The following SEMA5A variants were observed in gnomAD, a reference collection of about 807,000 sequenced individuals.
SEMA5A encodes semaphorin 5A.
A neutral mutation model predicts 135.5 loss-of-function variants in SEMA5A; 55 were observed. The observed-to-expected ratio is 0.41, with a 90% CI of 0.33 to 0.51. The LOEUF (loss-of-function observed/expected upper bound fraction) is 0.51, where lower values mean the gene tolerates loss of function less well. SEMA5A is among the 20% of genes least tolerant of loss of function. SEMA5A has a pLI of 0.37. For synonymous variants in SEMA5A, 580 were observed against 546.5 expected (o/e 1.06, Z -0.85); for missense variants, 1,290 against 1,419.9 (o/e 0.91, Z 1.47).
At chr5:9,086,307 T>C (rs190471003) in intron 16 of SEMA5A, among the ~76,000 whole-genome samples, 2 of 152,242 alleles carry the variant, frequency 1.3e-5, no homozygotes, top group African/African-American at 4.8e-5. Flanking sequence ...TCTGTGTCCC[T>C]ACCCAAATCT....
At chr5:9,201,715 A>T (rs966666853) in intron 9 of SEMA5A, among the ~76,000 whole-genome samples, 6 of 152,368 alleles carry the variant, frequency 3.9e-5, no homozygotes, top group Admixed American at 3.3e-4. Flanking sequence ...ATGTCACTAT[A>T]TCCTAAAGAT....
chr5:9,157,834 C>T (rs1339641001), intron 11 of SEMA5A, among the ~76,000 whole-genome samples: 1 of 152,254 alleles, frequency 6.6e-6, no homozygotes, highest in East Asian at 1.9e-4. Flanking sequence ...ATAGAAGAGA[C>T]ACCCCGAAAA....
chr5:9,179,384 G>A (rs916445941), intron 11 of SEMA5A, among the ~76,000 whole-genome samples: 2 of 152,146 alleles, frequency 1.3e-5, no homozygotes, highest in Non-Finnish European at 2.9e-5. Flanking sequence ...TCTCAGGTGG[G>A]TCCAAAGCAA....
intron 15 of SEMA5A, among the ~76,000 whole-genome samples, chr5:9,111,551 G>T (rs117548417): frequency 1.6e-4 from 25 of 152,172 alleles, no homozygotes; most frequent in Non-Finnish European, 3.1e-4. Context: ...CTACTGAGCT[G>T]CATTTTAAGG....
chr5:9,446,348 TTTA>T (rs1209508954), intron 1 of SEMA5A, among the ~76,000 whole-genome samples: 1 of 152,102 alleles, frequency 6.6e-6, no homozygotes, highest in Non-Finnish European at 1.5e-5. Flanking sequence ...AAATGACTTC[TTTA>T]TTAAAGCAAA....
intron 3 of SEMA5A, among the ~76,000 whole-genome samples, chr5:9,365,860 C>A (rs1055960910): frequency 2.6e-5 from 4 of 152,186 alleles, no homozygotes; most frequent in Admixed American, 6.5e-5. Flanking sequence ...GCCATCCTAA[C>A]ATGAAATAAA....
Position 9,197,381 on chromosome 5 carries a change from C to T in SEMA5A, c.933-78G>A, listed in dbSNP as rs1806116. The T allele has an allele frequency of 7.8e-3, 11,826 of 1,522,176 alleles. 693 individuals are homozygous for T. In the African/African-American group the frequency reaches 0.13, roughly 17 times the overall value. The allele number at this position is 1,522,176 out of a possible 1,614,324, so 94.3% of individuals were successfully genotyped here. A position where few individuals can be genotyped will look rare whatever the true frequency, so the allele number is the denominator to read the frequency against. Reference sequence around the variant, plus strand: ...TGACCTCCCCCTATGGACTGGGCAGCAGCTGTGACCTACAGCTTCCAGAGG... The same window carrying T: ...TGACCTCCCCCTATGGACTGGGCAGTAGCTGTGACCTACAGCTTCCAGAGG... On this transcript the variant is annotated intron_variant, in intron 9 of 22. Transcript: ENST00000382496.
intron 1 of SEMA5A, among the ~76,000 whole-genome samples, chr5:9,527,608 A>G: frequency 6.6e-6 from 1 of 152,234 alleles, no homozygotes; most frequent in East Asian, 1.9e-4. Flanking sequence ...AGCTTGTAAC[A>G]AGAATTTCTA....
intron 8 of SEMA5A, among the ~76,000 whole-genome samples, chr5:9,211,166 C>T (rs1424728092): frequency 6.6e-6 from 1 of 152,114 alleles, no homozygotes; most frequent in Non-Finnish European, 1.5e-5. Context: ...TTCACCCTAG[C>T]AAGTTTAAAC....
intron 1 of SEMA5A, among the ~76,000 whole-genome samples, chr5:9,530,674 G>A (rs1477556072): frequency 1.3e-5 from 2 of 152,096 alleles, no homozygotes; most frequent in African/African-American, 4.8e-5. Flanking sequence ...ATAGTCTTTG[G>A]TATTCTGACC....
chr5:9,480,939 G>GT (rs1759853066), intron 1 of SEMA5A, among the ~76,000 whole-genome samples: 2 of 151,670 alleles, frequency 1.3e-5, no homozygotes, highest in African/African-American at 4.9e-5. Flanking sequence ...ATGGTTTTTT[G>GT]TTTTTTTGGT....
intron 2 of SEMA5A, among the ~76,000 whole-genome samples, chr5:9,404,378 A>G (rs1249522275): frequency 6.6e-6 from 1 of 152,234 alleles, no homozygotes; most frequent in Non-Finnish European, 1.5e-5. Context: ...GAAGACATCA[A>G]TGATTTTTTC....
intron 5 of SEMA5A, among the ~76,000 whole-genome samples, chr5:9,244,903 T>G (rs1174790098): frequency 6.6e-6 from 1 of 152,182 alleles, no homozygotes; most frequent in African/African-American, 2.4e-5. Flanking sequence ...AAGAAGAATA[T>G]GAATGCATCC....
intron 2 of SEMA5A, among the ~76,000 whole-genome samples, chr5:9,432,979 T>C (rs1757908839): frequency 6.6e-6 from 1 of 152,182 alleles, no homozygotes; most frequent in Non-Finnish European, 1.5e-5. Flanking sequence ...AAAGTTCCCT[T>C]CTCCCTAACG....
chr5:9,043,028 A>C lies in SEMA5A; in HGVS notation c.3106-12T>G, dbSNP rs1561093659. Reference sequence around the variant, plus strand: ...TTTTTGTTAAATGCCTGGAAAATATATTAAAAAAAAACAGGTTTAAGAATG... The same window carrying C: ...TTTTTGTTAAATGCCTGGAAAATATCTTAAAAAAAAACAGGTTTAAGAATG... On this transcript the variant is annotated splice_polypyrimidine_tract_variant and intron_variant, in intron 22 of 22. Coordinates refer to ENST00000382496, the MANE Select transcript of SEMA5A (RefSeq NM_003966.3). 6.9e-7 allele frequency: 1 copy of C among 1,443,798 alleles called. No homozygotes were observed. The highest frequency in any genetic ancestry group is 2.9e-5 in the African/African-American group (1 of 34,332). 89.4% of individuals were successfully genotyped at this position (1,443,798 alleles called of 1,614,324 possible). A position where few individuals can be genotyped will look rare whatever the true frequency, so the allele number is the denominator to read the frequency against.
At chr5:9,211,732 G>A (rs932920530) in intron 8 of SEMA5A, among the ~76,000 whole-genome samples, 2 of 152,200 alleles carry the variant, frequency 1.3e-5, no homozygotes, top group African/African-American at 4.8e-5. Context: ...TTAATCATTA[G>A]AAGGTTCATA....
intron 8 of SEMA5A, among the ~76,000 whole-genome samples, chr5:9,209,916 G>A (rs181046401): frequency 2.8e-4 from 43 of 152,336 alleles, no homozygotes; most frequent in Admixed American, 2.7e-3. Context: ...GGTAACATTA[G>A]TCATCAGGCA....
rs942078066 is a variant in SEMA5A at position 9,334,955 on chromosome 5, T to C, written c.224+2758A>G. On this transcript the variant is annotated intron_variant, in intron 4 of 22. Coordinates refer to ENST00000382496, the MANE Select transcript of SEMA5A (RefSeq NM_003966.3). ...CCATCCGATCCTTCCCAGCAGACCA[T>C]GTTGATATGCAATGGATGGAGACCT... Among the ~76,000 whole-genome samples, 12 of 152,162 alleles carry C rather than the reference T, an allele frequency of 7.9e-5. No homozygotes were observed. In the South Asian group the frequency reaches 1.2e-3, roughly 16 times the overall value.
chr5:9,205,530 CTG>C (rs1486528855), intron 8 of SEMA5A, among the ~76,000 whole-genome samples: 1 of 152,062 alleles, frequency 6.6e-6, no homozygotes, highest in East Asian at 1.9e-4. Context: ...AAGGAGAAGA[CTG>C]AGCAATGGCA....
Sources: allele counts gnomAD v4.1 joint callset (sites outside exome capture counted in the v4.1 genomes callset), GRCh38; gene constraint gnomAD v4.1.1; transcripts MANE v1.5; gene names NCBI Gene and HGNC (gene_info 2026-07-23, HGNC 2026-07-21).